SEMA3A: variants seen among roughly 807,000 people sequenced by gnomAD.
The protein encoded by SEMA3A is semaphorin 3A.
In SEMA3A, 29 loss-of-function variants were observed where a neutral mutation model predicts 97.9. The observed-to-expected ratio is 0.30, with a 90% CI of 0.22 to 0.40. SEMA3A has a LOEUF of 0.40. SEMA3A is among the 10% of genes least tolerant of loss of function. The probability of loss-of-function intolerance (pLI) is 1.00; values close to 1 mark genes in which losing one functional copy is unlikely to be tolerated. For synonymous variants in SEMA3A, 321 were observed against 323.7 expected (o/e 0.99, Z 0.09); for missense variants, 763 against 951.3 (o/e 0.80, Z 2.60).
intron 2 of SEMA3A, among the ~76,000 whole-genome samples, chr7:84,366,550 A>C (rs1178151611): frequency 6.6e-6 from 1 of 151,388 alleles, no homozygotes. Flanking sequence ...GATTCTTGCT[A>C]ACTAATTCTC....
intron 2 of SEMA3A, among the ~76,000 whole-genome samples, chr7:84,356,843 C>T (rs1802572505): frequency 2.0e-5 from 3 of 151,498 alleles, no homozygotes; most frequent in Admixed American, 6.6e-5. Flanking sequence ...CATTATGAAT[C>T]GTGGTTTAAA....
At chr7:84,271,399 C>A (rs1256371627) in intron 3 of SEMA3A, among the ~76,000 whole-genome samples, 6 of 152,060 alleles carry the variant, frequency 3.9e-5, no homozygotes, top group African/African-American at 1.4e-4. Flanking sequence ...TTTAAAGAGA[C>A]TAAGATAATG....
At chr7:84,244,877 T>C (rs1369309832) in intron 3 of SEMA3A, among the ~76,000 whole-genome samples, 4 of 152,162 alleles carry the variant, frequency 2.6e-5, no homozygotes, top group Non-Finnish European at 5.9e-5. Context: ...AAATTCTGGG[T>C]TGAAAATTCT....
At chr7:84,128,191 C>A (rs1029768672) in intron 3 of SEMA3A, among the ~76,000 whole-genome samples, 1 of 151,534 alleles carries the variant, frequency 6.6e-6, no homozygotes, top group African/African-American at 2.4e-5. Context: ...GTGCCTAGGA[C>A]AATTCCTATT....
intron 6 of SEMA3A, among the ~76,000 whole-genome samples, chr7:84,044,539 G>C (rs1287345128): frequency 6.6e-6 from 1 of 152,072 alleles, no homozygotes; most frequent in Non-Finnish European, 1.5e-5. Flanking sequence ...GCTAAGAGAA[G>C]AGATTGAAAA....
At chr7:84,298,862 C>G (rs968980528) in intron 3 of SEMA3A, among the ~76,000 whole-genome samples, 7 of 152,198 alleles carry the variant, frequency 4.6e-5, no homozygotes, top group Admixed American at 2.0e-4. Flanking sequence ...TGGGCACCAT[C>G]CAATAAGCTG....
intron 1 of SEMA3A, among the ~76,000 whole-genome samples, chr7:84,375,969 C>G (rs1299611788): frequency 6.6e-6 from 1 of 152,112 alleles, no homozygotes; most frequent in Non-Finnish European, 1.5e-5. Flanking sequence ...TGACTTATTT[C>G]ACTTAACATA....
Position 84,007,431 on chromosome 7 carries a change from A to G in SEMA3A, c.1062T>C (p.Gly354=). Residue 354 remains glycine, a synonymous_variant, in exon 10 of 17, where the codon GGT becomes GGC. Transcript: ENST00000265362. ...SMSDVRRVFL[G]PYAHRDGPNY... ...TGGGTCCATCCCTGTGGGCATATGG[A>G]CCAAGGAACACCCTTCTCACATCAC... is the stretch of plus-strand genomic sequence containing the variant. 6.2e-7 allele frequency: 1 copy of G among 1,608,034 alleles called. No homozygotes were observed. Among genetic ancestry groups the G allele is most frequent in the Admixed American group, 1.7e-5 (1 of 59,118 alleles).
At chr7:84,262,170 C>T (rs1231286496) in intron 3 of SEMA3A, among the ~76,000 whole-genome samples, 1 of 151,886 alleles carries the variant, frequency 6.6e-6, no homozygotes, top group Non-Finnish European at 1.5e-5. Context: ...TAACTGGTGG[C>T]CAGCATACTT....
chr7:83,971,568 C>G (rs1788916116), intron 15 of SEMA3A, among the ~76,000 whole-genome samples: 1 of 151,982 alleles, frequency 6.6e-6, no homozygotes, highest in Non-Finnish European at 1.5e-5. Context: ...AATGTCTTTC[C>G]AATGTCTAGT....
chr7:84,129,717 CTT>C (rs1795905937), intron 2 of SEMA3A, among the ~76,000 whole-genome samples: 1 of 145,354 alleles, frequency 6.9e-6, no homozygotes, highest in South Asian at 2.2e-4. Context: ...TTTTTCTCCT[CTT>C]GACTTTTTTT....
intron 11 of SEMA3A, among the ~76,000 whole-genome samples, chr7:84,002,680 A>T (rs1257917793): frequency 6.6e-6 from 1 of 152,182 alleles, no homozygotes; most frequent in South Asian, 2.1e-4. Flanking sequence ...CTCAAAGTAA[A>T]CACCTAGAAT....
intron 6 of SEMA3A, among the ~76,000 whole-genome samples, chr7:84,044,363 G>A (rs780926654): frequency 6.6e-5 from 10 of 151,906 alleles, no homozygotes; most frequent in South Asian, 2.1e-4. Context: ...ATGAGACCCC[G>A]TCTATCCCTG....
In SEMA3A at chr7:84,330,646, A is replaced by G. The variant is rs183895239; in HGVS notation, c.-168-23354T>C. Among the ~76,000 whole-genome samples, 139 of 152,156 alleles carry G rather than the reference A, an allele frequency of 9.1e-4. 2 individuals are homozygous for G. Among genetic ancestry groups the G allele is most frequent in the Admixed American group, 8.4e-3 (128 of 15,244 alleles). The stretch of plus-strand genomic sequence containing the variant: ...AATAGTCATCTACAATTGACTTTCT[A>G]TCACTTTTTTTCCCCCTGTGGTACA... On this transcript the variant is annotated intron_variant, in intron 2 of 3. Coordinates refer to the SEMA3A transcript ENST00000424555.
At chr7:84,436,754 T>TA (rs918362661) in intron 1 of SEMA3A, among the ~76,000 whole-genome samples, 1 of 152,148 alleles carries the variant, frequency 6.6e-6, no homozygotes, top group African/African-American at 2.4e-5. Context: ...AGTCTGAACA[T>TA]AGATTGCTTG....
At chr7:83,991,199 T>A (rs1014351913) in intron 12 of SEMA3A, among the ~76,000 whole-genome samples, 1 of 151,820 alleles carries the variant, frequency 6.6e-6, no homozygotes, top group Non-Finnish European at 1.5e-5. Flanking sequence ...AAGTTGCTTA[T>A]CAGCTTAAGG....
rs562339559 is a variant in SEMA3A, at chr7:84,301,019, CATTA to C, written c.-83+6184_-83+6187del. On this transcript the variant is annotated intron_variant, in intron 3 of 3. Coordinates refer to the SEMA3A transcript ENST00000424555. The stretch of plus-strand genomic sequence containing the variant: ...AATAGTAAAAAGATATCCAGAGAAA[CATTA>C]ATTATTTTATGGATTAAAAAATTCA... Among the ~76,000 whole-genome samples, 30 of 152,104 alleles carry C rather than the reference CATTA, an allele frequency of 2.0e-4. No individual in the cohort carries two copies. The South Asian group carries it at 6.2e-3, about 32-fold the overall frequency.
intron 4 of SEMA3A, 114 bp from the exon 5 acceptor site, chr7:84,060,672 A>AC (rs1793180612): frequency 3.2e-6 from 2 of 631,624 alleles, no homozygotes; most frequent in South Asian, 4.2e-5. Flanking sequence ...CACAAGAGTT[A>AC]TTTTTATTTG....
intron 2 of SEMA3A, among the ~76,000 whole-genome samples, chr7:84,323,153 C>A (rs1397993892): frequency 2.0e-5 from 3 of 152,124 alleles, no homozygotes; most frequent in Non-Finnish European, 2.9e-5. Flanking sequence ...TAAGTATTAA[C>A]AACAATGCTT....
Sources: gnomAD v4.1 joint callset for allele counts (sites outside exome capture counted in the v4.1 genomes callset) on GRCh38, gnomAD v4.1.1 for gene constraint, MANE v1.5 for transcripts, NCBI Gene and HGNC (gene_info 2026-07-23, HGNC 2026-07-21) for gene names.